Variants in ZNF445 observed in about 807,000 individuals in gnomAD.
The protein encoded by ZNF445 is zinc finger protein 168.
Under a neutral mutation model 93.9 loss-of-function variants are expected in ZNF445, and 19 were observed. That is an observed-to-expected ratio of 0.20 (90% confidence interval 0.14 to 0.30). The LOEUF (loss-of-function observed/expected upper bound fraction) is 0.30. Among genes scored for constraint, ZNF445 ranks in the 10% least tolerant of loss-of-function variants. The pLI is 1.00. For synonymous variants in ZNF445, 449 were observed against 446.3 expected, an observed-to-expected ratio of 1.01 and a Z score of -0.08; for missense variants, 1,058 against 1,259.4, an observed-to-expected ratio of 0.84 and a Z score of 2.42.
chr3:44,449,733 C>A, intron 6 of ZNF445, 110 bp from the exon 7 acceptor site: 1 of 836,666 alleles, frequency 1.2e-6, no homozygotes, highest in Non-Finnish European at 2.0e-6. Context: ...ACCAGGAAGG[C>A]AGGCAGCAGA....
chr3:44,450,292 CAA>C (rs1697939242), intron 6 of ZNF445, 153 bp downstream of exon 6: 1 of 876,866 alleles, frequency 1.1e-6, no homozygotes, highest in Non-Finnish European at 1.8e-6. Context: ...CCCCATTTTT[CAA>C]AAGAGGCTAC....
rs1293823026 is a variant in ZNF445, at chr3:44,441,001, A to G, written c.*5574T>C. 6.7e-6 allele frequency: 1 copy of G among 150,338 alleles called. No homozygotes were observed. Among genetic ancestry groups the G allele is most frequent in the African/African-American group, 2.5e-5 (1 of 40,710 alleles). 9.3% of individuals were successfully genotyped at this position (150,338 alleles called of 1,614,324 possible). ...CCATCTTGGCTCACTGCAACCTCCAACTCCCGGGATCTAGAGATTCTCCTG... is the reference window on the plus strand; with the variant it reads ...CCATCTTGGCTCACTGCAACCTCCAGCTCCCGGGATCTAGAGATTCTCCTG... On this transcript the variant is annotated 3_prime_UTR_variant, in exon 8 of 8. Transcript: ENST00000396077.
At chr3:44,457,224 C>T (rs1698040566) in intron 2 of ZNF445, among the ~76,000 whole-genome samples, 1 of 152,234 alleles carries the variant, frequency 6.6e-6, no homozygotes, top group East Asian at 1.9e-4. Context: ...CTATACGAAT[C>T]ACATCACTAT....
Position 44,477,649 on chromosome 3 carries a change from G to C in ZNF445, c.-327C>G, listed in dbSNP as rs984995223. 1 of 152,374 alleles carries C rather than the reference G, an allele frequency of 6.6e-6. No homozygotes were observed. The highest frequency in any genetic ancestry group is 1.5e-5 in the Non-Finnish European group (1 of 68,100). The allele number at this position is 152,374 out of a possible 1,614,324, so 9.4% of individuals were successfully genotyped here. A position where few individuals can be genotyped will look rare whatever the true frequency, so the allele number is the denominator to read the frequency against. On this transcript the variant is annotated 5_prime_UTR_variant, in exon 1 of 8. Transcript: ENST00000396077. ...CGCCGCCACCGCAGCCGCCCGTCCC[G>C]CGCCTACCTCCCGGCGGCTCCAGTC...
intron 1 of ZNF445, among the ~76,000 whole-genome samples, chr3:44,475,540 G>A (rs890197777): frequency 1.3e-4 from 20 of 152,176 alleles, no homozygotes; most frequent in African/African-American, 4.8e-4. Flanking sequence ...CTTAAAAATC[G>A]AGGACATTTA....
At chr3:44,470,169 T>C (rs1396110541) in intron 1 of ZNF445, among the ~76,000 whole-genome samples, 1 of 152,182 alleles carries the variant, frequency 6.6e-6, no homozygotes, top group East Asian at 1.9e-4. Flanking sequence ...GAGAGCCTCC[T>C]GACTTGGCCT....
intron 3 of ZNF445, among the ~76,000 whole-genome samples, chr3:44,453,579 G>T (rs968437087): frequency 6.6e-6 from 1 of 152,160 alleles, no homozygotes; most frequent in African/African-American, 2.4e-5. Flanking sequence ...ACAGGAGTGA[G>T]CCACCACGCC....
intron 2 of ZNF445, 110 bp from the exon 3 acceptor site, chr3:44,455,806 T>C (rs544508779): frequency 2.4e-6 from 1 of 422,056 alleles, no homozygotes; most frequent in South Asian, 4.8e-5. Context: ...CAAAGGTATA[T>C]GCCAGTATCA....
chr3:44,447,233 G>A lies in ZNF445; in HGVS notation c.2438C>T (p.Ser813Phe), dbSNP rs759913060. ...ATGGCAATCATACTGTTTTTGAAGA[G>A]AGTGAATCCTCTGATGTCGGTAGAG... ...SNLYRHQRIH[S>F]LQKQYDCHES... The change falls in exon 8 of 8, where the codon TCT becomes TTT. Residue 813 changes from serine (S) to phenylalanine (F), a missense_variant. Coordinates refer to ENST00000396077, the MANE Select transcript of ZNF445 (RefSeq NM_181489.6). The surrounding 1 kb of genome is among the most constrained non-coding windows in gnomAD (Gnocchi z 4.7). The A allele has an allele frequency of 5.6e-6, 9 of 1,614,058 alleles. No homozygotes were observed. The Admixed American group carries it at 1.5e-4, about 27-fold the overall frequency.
intron 1 of ZNF445, among the ~76,000 whole-genome samples, chr3:44,475,720 C>T (rs563399416): frequency 2.2e-4 from 33 of 152,210 alleles, no homozygotes; most frequent in African/African-American, 7.2e-4. Context: ...AAACAAGAGG[C>T]GGGCACGGTG....
Position 44,446,547 on chromosome 3 carries a change from A to AC in ZNF445, c.*27dup, listed in dbSNP as rs769490930. 1.2e-6 allele frequency: 2 copies of AC among 1,613,280 alleles called. No individual in the cohort carries two copies. The highest frequency in any genetic ancestry group is 1.3e-5 in the African/African-American group (1 of 74,938). ...TTCTCTAGCAGGGGACTGAGAACCC[A>AC]CCCCCACTGTCACTGTCAGGTCCCA... On this transcript the variant is annotated 3_prime_UTR_variant, in exon 8 of 8. Transcript: ENST00000396077. The surrounding 1 kb of genome is among the most constrained non-coding windows in gnomAD (Gnocchi z 4.2).
chr3:44,460,908 C>T (rs955377319), intron 1 of ZNF445, among the ~76,000 whole-genome samples: 13 of 152,332 alleles, frequency 8.5e-5, no homozygotes, highest in Non-Finnish European at 1.6e-4. Flanking sequence ...TCAGTGGCCC[C>T]CCTCCAGCGA....
rs1437031415 is a variant in ZNF445 at position 44,444,946 on chromosome 3, T to C, written c.*1629A>G. 6.6e-6 allele frequency: 1 copy of C among 152,244 alleles called. No homozygotes were observed. The highest frequency in any genetic ancestry group is 2.4e-5 in the African/African-American group (1 of 41,470). The allele number at this position is 152,244 out of a possible 1,614,324, so 9.4% of individuals were successfully genotyped here. A position where few individuals can be genotyped will look rare whatever the true frequency, so the allele number is the denominator to read the frequency against. ...TGACCTCTTCAATAATCAGAAGCAA[T>C]GATTACTCACATGCTTTAGCAATAT... On this transcript the variant is annotated 3_prime_UTR_variant, in exon 8 of 8. Transcript: ENST00000396077.
Position 44,477,621 on chromosome 3 carries a change from A to T in ZNF445, c.-299T>A, listed in dbSNP as rs1051592668. On this transcript the variant is annotated 5_prime_UTR_variant, in exon 1 of 8. Coordinates refer to ENST00000396077, the MANE Select transcript of ZNF445 (RefSeq NM_181489.6). ...CCCGCCGCCGAGCGACAATCGGTCC[A>T]CCCGCCGCCACCGCAGCCGCCCGTC... 1.3e-5 allele frequency: 2 copies of T among 150,214 alleles called. No homozygotes were observed. The highest frequency in any genetic ancestry group is 3.0e-5 in the Non-Finnish European group (2 of 67,576). 9.3% of individuals were successfully genotyped at this position (150,214 alleles called of 1,614,324 possible). A position where few individuals can be genotyped will look rare whatever the true frequency, so the allele number is the denominator to read the frequency against.
chr3:44,459,132 T>C (rs1488643479), intron 1 of ZNF445, among the ~76,000 whole-genome samples: 3 of 152,144 alleles, frequency 2.0e-5, no homozygotes, highest in Non-Finnish European at 4.4e-5. Context: ...ACATCCCATC[T>C]CCACAGGAAG....
At position 44,458,367 on chromosome 3, in the gene ZNF445, CA is replaced by C. The variant is rs1279300667; in HGVS notation, c.-268-4del. 6.6e-6 allele frequency: 1 copy of C among 150,842 alleles called. No homozygotes were observed. Among genetic ancestry groups the C allele is most frequent in the Non-Finnish European group, 1.5e-5 (1 of 67,776 alleles). The allele number at this position is 150,842 out of a possible 1,614,324, so 9.3% of individuals were successfully genotyped here. A position where few individuals can be genotyped will look rare whatever the true frequency, so the allele number is the denominator to read the frequency against. ...CTTGCGAAAGAGCGAGACTCCACCT[CA>C]AAAAAAAGAACATAGGAGAAAACCT... On this transcript the variant is annotated splice_region_variant and splice_polypyrimidine_tract_variant and intron_variant, in intron 1 of 7. Coordinates refer to ENST00000396077, the MANE Select transcript of ZNF445 (RefSeq NM_181489.6).
chr3:44,476,407 TTAAGA>T (rs1296439431), intron 1 of ZNF445, among the ~76,000 whole-genome samples: 2 of 152,078 alleles, frequency 1.3e-5, no homozygotes, highest in Non-Finnish European at 2.9e-5. Context: ...CTGCCTTTCA[TTAAGA>T]TAACATAAAA....
Position 44,448,310 on chromosome 3 carries a change from A to G in ZNF445, c.1361T>C (p.Leu454Pro), listed in dbSNP as rs1408247667. Residue 454 changes from leucine (L) to proline (P), a missense_variant, in exon 8 of 8, where the codon CTG (leucine) becomes CCG (proline). Physicochemically the swap from Leu to Pro is moderately conservative, Grantham distance 98. Transcript: ENST00000396077. ...ACACACGTCCTTTTTGTTCCCTTTCAGTCCACTATGAATTCTCTGATGTAG... is the reference window on the plus strand; with the variant it reads ...ACACACGTCCTTTTTGTTCCCTTTCGGTCCACTATGAATTCTCTGATGTAG... The part of the protein sequence containing the change: ...FSLHQRIHSG[L>P]KGNKKDVCGK... The G allele has an allele frequency of 1.2e-6, 2 of 1,614,166 alleles. No individual in the cohort carries two copies. The highest frequency in any genetic ancestry group is 2.2e-5 in the East Asian group (1 of 44,880).
Position 44,447,711 on chromosome 3 carries a change from T to C in ZNF445, c.1960A>G (p.Lys654Glu). 1 of 1,614,200 alleles carries C rather than the reference T, an allele frequency of 6.2e-7. No individual in the cohort carries two copies. Among genetic ancestry groups the C allele is most frequent in the South Asian group, 1.1e-5 (1 of 91,088 alleles). ...AAGCCTTCACGACATTCATCTTGTT[T>C]GTAGAATTTTTCCTCCTCATGCAAC... ...MRLHEEEKFY[K>E]QDECREGFRQ... Residue 654 changes from lysine (K) to glutamate (E), a missense_variant, in exon 8 of 8, where the codon AAA (lysine) becomes GAA (glutamate). Lys to Glu is a moderately conservative substitution (Grantham distance 56). Transcript: ENST00000396077. This position sits in a 1 kb window ranked among gnomAD's most constrained non-coding sequence, Gnocchi z 4.7.
Sources: gnomAD v4.1 joint callset for allele counts (sites outside exome capture counted in the v4.1 genomes callset) on GRCh38, gnomAD v4.1.1 for gene constraint, Gnocchi (gnomAD v3.1) non-coding constraint, MANE v1.5 for transcripts, NCBI Gene and HGNC (gene_info 2026-07-23, HGNC 2026-07-21) for gene names.